Variants in ADCY9 observed in about 807,000 individuals in gnomAD.
The protein encoded by ADCY9 is adenylate cyclase 9, also known as adenylate cyclase type 9.
In ADCY9, 50 loss-of-function variants were observed where a neutral mutation model predicts 101.5. The observed-to-expected ratio is 0.49, with a 90% confidence interval of 0.39 to 0.62. The LOEUF (loss-of-function observed/expected upper bound fraction) is 0.62. Ranked by LOEUF, ADCY9 falls within the 20% of genes least tolerant of loss-of-function variation. The pLI, the probability that ADCY9 is intolerant of heterozygous loss-of-function variation, is 0.00. For synonymous variants in ADCY9, 905 were observed against 769.3 expected (o/e 1.18, Z -2.92); for missense variants, 1,662 against 1,800.4 (o/e 0.92, Z 1.39).
At chr16:3,994,767 G>A (rs576985341) in intron 3 of ADCY9, among the ~76,000 whole-genome samples, 2 of 152,216 alleles carry the variant, frequency 1.3e-5, no homozygotes, top group African/African-American at 2.4e-5. Context: ...CAAAAAGATC[G>A]ATTTTATAGT....
chr16:4,093,769 A>G (rs2141191499), intron 2 of ADCY9, among the ~76,000 whole-genome samples: 1 of 152,238 alleles, frequency 6.6e-6, no homozygotes, highest in East Asian at 1.9e-4. Context: ...AAAATAATTA[A>G]TTAATTAATT....
rs1399055693 is a variant in ADCY9 at position 4,114,338 on chromosome 16, T to C, written c.1105A>G (p.Arg369Gly). ...TTTTGGATGGAAGACTTTTTCTTCCTGTTCTTGGGGCTCGAGGTGGCATGC... is the reference window on the plus strand; with the variant it reads ...TTTTGGATGGAAGACTTTTTCTTCCCGTTCTTGGGGCTCGAGGTGGCATGC... ...KRHATSSPKN[R>G]KKKSSIQKAP... is the part of the protein sequence containing the mutation. The change falls in exon 2 of 11, where the codon AGG becomes GGG. Residue 369 changes from arginine to glycine, a missense_variant. Physicochemically the swap from Arg to Gly is moderately radical, Grantham distance 125. Around this residue, in one of 5 missense-constraint regions of ADCY9, gnomAD observed 228 missense variants for 301.1 expected, o/e 0.76. Transcript: ENST00000294016. The surrounding 1 kb of genome is among the most constrained non-coding windows in gnomAD (Gnocchi z 4.3). The C allele has an allele frequency of 6.2e-7, 1 of 1,614,016 alleles. No individual in the cohort carries two copies. Among genetic ancestry groups the C allele is most frequent in the Non-Finnish European group, 8.5e-7 (1 of 1,180,026 alleles).
chr16:4,005,828 C>T (rs773926158), intron 3 of ADCY9, among the ~76,000 whole-genome samples: 19 of 152,248 alleles, frequency 1.2e-4, no homozygotes, highest in East Asian at 3.9e-4. Context: ...CTGTCTTTCA[C>T]GACTTAAATA....
At chr16:4,067,233 G>T (rs770824130) in intron 2 of ADCY9, among the ~76,000 whole-genome samples, 9 of 151,984 alleles carry the variant, frequency 5.9e-5, no homozygotes, top group Non-Finnish European at 1.0e-4. Flanking sequence ...ATAATATTTA[G>T]AAACAACACC....
intron 2 of ADCY9, among the ~76,000 whole-genome samples, chr16:4,107,072 G>T (rs1488876183): frequency 1.3e-5 from 2 of 152,172 alleles, no homozygotes; most frequent in Non-Finnish European, 2.9e-5. Flanking sequence ...CTGTGTCCTT[G>T]TCACTGTAAG....
chr16:4,014,939 CTTTT>C (rs578260761), intron 2 of ADCY9, among the ~76,000 whole-genome samples: 1 of 93,232 alleles, frequency 1.1e-5, no homozygotes, highest in South Asian at 4.2e-4. Flanking sequence ...CTGTTTTGGC[CTTTT>C]TTTTTTTTTT....
chr16:3,959,362 C>CAAAAAA (rs71133675), downstream of ADCY9, among the ~76,000 whole-genome samples: 132 of 133,554 alleles, frequency 9.9e-4, no homozygotes, highest in African/African-American at 3.2e-3. Context: ...ACTCTTATCT[C>CAAAAAA]AAAAAAAAAA....
intron 2 of ADCY9, among the ~76,000 whole-genome samples, chr16:4,087,257 G>A (rs752433388): frequency 3.3e-5 from 5 of 151,868 alleles, no homozygotes; most frequent in Non-Finnish European, 4.4e-5. Context: ...AAGGAAGGCC[G>A]GGCACGGTGG....
intron 2 of ADCY9, among the ~76,000 whole-genome samples, chr16:4,070,350 C>T (rs1034719486): frequency 6.6e-6 from 1 of 152,080 alleles, no homozygotes; most frequent in African/African-American, 2.4e-5. Context: ...GACAAACACA[C>T]ATGTATTTCT....
rs1002887817 is a variant in ADCY9 at position 3,992,865 on chromosome 16, T to C, written c.1990-502A>G. 2.0e-5 allele frequency among the ~76,000 whole-genome samples: 3 copies of C among 152,058 alleles called. No individual in the cohort carries two copies. The highest frequency in any genetic ancestry group is 4.4e-5 in the Non-Finnish European group (3 of 68,012). On this transcript the variant is annotated intron_variant, in intron 4 of 10. Coordinates refer to ENST00000294016, the MANE Select transcript of ADCY9 (RefSeq NM_001116.4). This position sits in a 1 kb window ranked among gnomAD's most constrained non-coding sequence, Gnocchi z 4.2. Reference sequence around the variant, plus strand: ...TGGGATGACCTGCACCTGCAATCCTTTGGCAGATGGAGAGCAGATGGAGGA... The same window carrying C: ...TGGGATGACCTGCACCTGCAATCCTCTGGCAGATGGAGAGCAGATGGAGGA...
chr16:4,046,430 C>T (rs1172002985), intron 2 of ADCY9, among the ~76,000 whole-genome samples: 2 of 152,184 alleles, frequency 1.3e-5, no homozygotes, highest in African/African-American at 2.4e-5. Flanking sequence ...CATGGGCCAG[C>T]ACACGTTGCT....
intron 2 of ADCY9, among the ~76,000 whole-genome samples, chr16:4,040,203 T>C (rs994956346): frequency 6.6e-6 from 1 of 152,166 alleles, no homozygotes; most frequent in Non-Finnish European, 1.5e-5. Flanking sequence ...TACTCAAAGA[T>C]AGGCAGAGCC....
intron 2 of ADCY9, among the ~76,000 whole-genome samples, chr16:4,018,796 G>C (rs566799239): frequency 6.6e-6 from 1 of 152,228 alleles, no homozygotes; most frequent in Non-Finnish European, 1.5e-5. Flanking sequence ...ATGCAGACTT[G>C]TTCGAGTCAT....
Position 3,993,463 on chromosome 16 carries a change from G to C in ADCY9, c.1932C>G (p.Gly644=). 6.2e-7 allele frequency: 1 copy of C among 1,614,178 alleles called. No individual in the cohort carries two copies. Among genetic ancestry groups the C allele is most frequent in the South Asian group, 1.1e-5 (1 of 91,080 alleles). ...CGTTTTGAGGTGCTCCTCCCTCGGC[G>C]CCGGCTTCAGATTTGGGAGCAAATG... ...GITFAPKSEA[G]AEGGAPQNGC... is the part of the protein sequence containing the mutation. Residue 644 remains glycine (G), a synonymous_variant, in exon 4 of 11, where the codon GGC becomes GGG. Coordinates refer to ENST00000294016, the MANE Select transcript of ADCY9 (RefSeq NM_001116.4).
intron 7 of ADCY9, 127 bp from the exon 8 acceptor site, chr16:3,979,402 G>A: frequency 8.9e-7 from 1 of 1,119,932 alleles, no homozygotes; most frequent in Non-Finnish European, 1.3e-6. Context: ...GGATGGGCGT[G>A]AGAGCAGGCG....
chr16:4,026,497 C>T (rs2056516255), intron 2 of ADCY9, among the ~76,000 whole-genome samples: 1 of 151,388 alleles, frequency 6.6e-6, no homozygotes, highest in Non-Finnish European at 1.5e-5. Context: ...TGGATATTTA[C>T]CCTAGAGAAA....
At chr16:4,051,126 T>C (rs1359315254) in intron 2 of ADCY9, among the ~76,000 whole-genome samples, 1 of 151,470 alleles carries the variant, frequency 6.6e-6, no homozygotes, top group African/African-American at 2.4e-5. Flanking sequence ...GGCAGGAGAA[T>C]TGCATGGACC....
intron 6 of ADCY9, among the ~76,000 whole-genome samples, chr16:3,987,744 C>G (rs1222948985): frequency 6.6e-6 from 1 of 152,148 alleles, no homozygotes; most frequent in African/African-American, 2.4e-5. Flanking sequence ...GCCAGGACAC[C>G]ACGGAGTTTA....
At chr16:3,981,595 T>G (rs2056143188) in intron 7 of ADCY9, among the ~76,000 whole-genome samples, 1 of 151,462 alleles carries the variant, frequency 6.6e-6, no homozygotes, top group Non-Finnish European at 1.5e-5. Flanking sequence ...AAGCAGATCT[T>G]CTTTTTTTTC....
Sources: allele counts gnomAD v4.1 joint callset (sites outside exome capture counted in the v4.1 genomes callset), GRCh38; gene constraint gnomAD v4.1.1; regional missense constraint gnomAD v4.1.1; non-coding constraint Gnocchi (gnomAD v3.1); transcripts MANE v1.5; gene names NCBI Gene and HGNC (gene_info 2026-07-23, HGNC 2026-07-21).